OTUD7A: variants seen among roughly 807,000 people sequenced by gnomAD.
The protein encoded by OTUD7A is OTU domain-containing protein 7A.
OTUD7A carries 12 observed loss-of-function variants against 65.7 expected under a neutral mutation model. That is an observed-to-expected ratio of 0.18 (90% CI 0.12 to 0.30). The LOEUF is 0.30. Among genes scored for constraint, OTUD7A ranks in the 10% least tolerant of loss-of-function variants. OTUD7A has a pLI of 1.00. For synonymous variants in OTUD7A, 641 were observed against 586.3 expected (o/e 1.09, Z -1.35); for missense variants, 1,148 against 1,304.8 (o/e 0.88, Z 1.85).
Position 31,528,557 on chromosome 15 carries a change from C to T in OTUD7A, c.653-1249G>A, listed in dbSNP as rs144545111. On this transcript the variant is annotated intron_variant, in intron 6 of 12. Transcript: ENST00000307050. The stretch of plus-strand genomic sequence containing the variant: ...CACAGGCTTCTAGCCAGCAAGGCTT[C>T]GCCTTTTTCTATAGGATGGCAGGGG... Among the ~76,000 whole-genome samples the T allele has an allele frequency of 1.0e-3, 155 of 152,364 alleles. 1 individual carries two copies. Among genetic ancestry groups the T allele is most frequent in the Non-Finnish European group, 1.8e-3 (124 of 68,040 alleles).
chr15:31,746,507 A>T (rs992346286), intron 1 of OTUD7A, among the ~76,000 whole-genome samples: 76 of 143,520 alleles, frequency 5.3e-4, no homozygotes, highest in Admixed American at 9.7e-4. Context: ...GTTTTTACAT[A>T]TTTTTTTTTT....
chr15:31,665,868 G>A lies in OTUD7A; in HGVS notation c.-99-8791C>T, dbSNP rs376360076. Among the ~76,000 whole-genome samples the A allele has an allele frequency of 3.5e-4, 54 of 152,282 alleles. No individual in the cohort carries two copies. The South Asian group carries it at 9.5e-3, about 27-fold the overall frequency. ...TTGCTGAGAGTTTTAATCATAAAGC[G>A]ATGCTGGATTTTGTTGAATGCTTTT... is the stretch of plus-strand genomic sequence containing the variant. On this transcript the variant is annotated intron_variant, in intron 1 of 12. Coordinates refer to ENST00000307050, the MANE Select transcript of OTUD7A (RefSeq NM_001382637.1).
intron 1 of OTUD7A, among the ~76,000 whole-genome samples, chr15:31,791,271 C>T (rs775459550): frequency 1.9e-4 from 29 of 152,040 alleles, no homozygotes; most frequent in Middle Eastern, 3.2e-3. Context: ...ATGATCTGCC[C>T]GCCTCAGCCT....
intron 1 of OTUD7A, among the ~76,000 whole-genome samples, chr15:31,660,273 G>T (rs2141283817): frequency 6.6e-6 from 1 of 152,314 alleles, no homozygotes; most frequent in African/African-American, 2.4e-5. Context: ...GAAATGAATT[G>T]GATGTCTCAA....
At chr15:31,853,887 G>A (rs1897493898) in intron 1 of OTUD7A, among the ~76,000 whole-genome samples, 1 of 152,148 alleles carries the variant, frequency 6.6e-6, no homozygotes. Context: ...ACCAGCATGG[G>A]AATCAGGCAC....
In OTUD7A at chr15:31,480,656, T is replaced by C. The variant is rs1314892938; in HGVS notation, c.*2638A>G. ...CCAGGGACGAGGTCTACACGCCTCT[T>C]CTCAAGGAGCATGCTGTCGGTGCAC... On this transcript the variant is annotated 3_prime_UTR_variant, in exon 13 of 13. Coordinates refer to ENST00000307050, the MANE Select transcript of OTUD7A (RefSeq NM_001382637.1). 2 of 152,266 alleles carry C rather than the reference T, an allele frequency of 1.3e-5. No individual in the cohort carries two copies. Among genetic ancestry groups the C allele is most frequent in the African/African-American group, 2.4e-5 (1 of 41,470 alleles). The allele number at this position is 152,266 out of a possible 1,614,324, so 9.4% of individuals were successfully genotyped here. A position where few individuals can be genotyped will look rare whatever the true frequency, so the allele number is the denominator to read the frequency against.
chr15:31,716,996 T>A (rs1395733104), intron 1 of OTUD7A, among the ~76,000 whole-genome samples: 5 of 152,232 alleles, frequency 3.3e-5, no homozygotes, highest in African/African-American at 1.2e-4. Context: ...AAAAATAGTA[T>A]ACAGAATTCC....
At position 31,797,029 on chromosome 15, in the gene OTUD7A, T is replaced by C. The variant is rs1260208270; in HGVS notation, c.-100+73478A>G. 2.6e-5 allele frequency among the ~76,000 whole-genome samples: 4 copies of C among 152,202 alleles called. No homozygotes were observed. The East Asian group carries it at 5.8e-4, about 22-fold the overall frequency. ...GATTACAGGCGTGAGCCACGGCACC[T>C]GGCCTCAAACATTACTCTTGCACTT... On this transcript the variant is annotated intron_variant, in intron 1 of 12. Transcript: ENST00000307050.
At chr15:31,662,986 T>C (rs1454140637) in intron 1 of OTUD7A, among the ~76,000 whole-genome samples, 4 of 152,304 alleles carry the variant, frequency 2.6e-5, no homozygotes, top group Admixed American at 2.6e-4. Flanking sequence ...TTACAATTTA[T>C]AGCAAATTTT....
chr15:31,751,568 T>C (rs1567003256), intron 1 of OTUD7A, among the ~76,000 whole-genome samples: 1 of 152,180 alleles, frequency 6.6e-6, no homozygotes, highest in Non-Finnish European at 1.5e-5. Context: ...ACTGGGTATC[T>C]ACCCAAAAGA....
chr15:31,639,002 C>T (rs1595676967), intron 3 of OTUD7A, among the ~76,000 whole-genome samples: 1 of 152,010 alleles, frequency 6.6e-6, no homozygotes, highest in South Asian at 2.1e-4. Context: ...GCCATGGTGG[C>T]GGGTGCCTGT....
At chr15:31,603,426 C>T (rs1387970949) in intron 3 of OTUD7A, among the ~76,000 whole-genome samples, 1 of 152,176 alleles carries the variant, frequency 6.6e-6, no homozygotes, top group African/African-American at 2.4e-5. Context: ...TTCCTTACAC[C>T]TTACACAAAA....
At chr15:31,817,301 C>G (rs1012133682) in intron 1 of OTUD7A, among the ~76,000 whole-genome samples, 5 of 137,346 alleles carry the variant, frequency 3.6e-5, no homozygotes, top group African/African-American at 1.3e-4. Context: ...CATGGCTTAT[C>G]AGTGAGATCT....
chr15:31,740,991 T>C (rs1211633399), intron 1 of OTUD7A, among the ~76,000 whole-genome samples: 2 of 152,248 alleles, frequency 1.3e-5, no homozygotes, highest in African/African-American at 4.8e-5. Context: ...GTGAATGTAC[T>C]ATTGACAAAC....
At chr15:31,598,485 T>C (rs1179157242) in intron 3 of OTUD7A, among the ~76,000 whole-genome samples, 1 of 152,182 alleles carries the variant, frequency 6.6e-6, no homozygotes, top group Non-Finnish European at 1.5e-5. Flanking sequence ...ATACTGCACT[T>C]TTCCCATGGT....
chr15:31,487,193 C>G lies in OTUD7A; in HGVS notation c.1371+1G>C. The G allele has an allele frequency of 6.2e-7, 1 of 1,613,408 alleles. No homozygotes were observed. Among genetic ancestry groups the G allele is most frequent in the East Asian group, 2.2e-5 (1 of 44,866 alleles). ...TCTGGTCCCAGCACAGCCAGGCTCA[C>G]CCGTGTCTCGGAGGGGATCCGGATC... On this transcript the variant is annotated splice_donor_variant, in intron 12 of 12. Coordinates refer to ENST00000307050, the MANE Select transcript of OTUD7A (RefSeq NM_001382637.1). LOFTEE classifies it high-confidence loss of function. This position sits in a 1 kb window ranked among gnomAD's most constrained non-coding sequence, Gnocchi z 6.0.
At chr15:31,776,583 A>G (rs185542473) in intron 1 of OTUD7A, among the ~76,000 whole-genome samples, 3 of 152,306 alleles carry the variant, frequency 2.0e-5, no homozygotes, top group East Asian at 1.9e-4. Flanking sequence ...GGGCATCCCA[A>G]TTCAGTGGAG....
intron 3 of OTUD7A, among the ~76,000 whole-genome samples, chr15:31,609,970 T>G (rs1056697000): frequency 2.0e-5 from 3 of 152,078 alleles, no homozygotes; most frequent in African/African-American, 4.8e-5. Context: ...AGAAGAGAGA[T>G]AGCAATCACT....
At chr15:31,808,136 C>CACACACACACACACACAAA (rs772574742) in intron 1 of OTUD7A, among the ~76,000 whole-genome samples, 190 of 119,484 alleles carry the variant, frequency 1.6e-3, no homozygotes, top group Non-Finnish European at 2.9e-3. Flanking sequence ...CACACACACA[C>CACACACACACACACACAAA]AAACAAATCC....
Sources: allele counts gnomAD v4.1 joint callset (sites outside exome capture counted in the v4.1 genomes callset), GRCh38; gene constraint gnomAD v4.1.1; non-coding constraint Gnocchi (gnomAD v3.1); transcripts MANE v1.5; gene names NCBI Gene and HGNC (gene_info 2026-07-23, HGNC 2026-07-21).